PPP1R12A: variants seen among roughly 807,000 people sequenced by gnomAD.
PPP1R12A encodes myosin binding subunit.
Under a neutral mutation model 139.6 loss-of-function variants are expected in PPP1R12A, and 19 were observed. The ratio of observed to expected loss-of-function variants is 0.14; its 90% CI spans 0.09 to 0.20. The LOEUF is 0.20. Among genes scored for constraint, PPP1R12A ranks in the 10% least tolerant of loss-of-function variants. The pLI is 1.00. For synonymous variants in PPP1R12A, 427 were observed against 420.6 expected (o/e 1.02, Z -0.19); for missense variants, 925 against 1,211.5 (o/e 0.76, Z 3.51).
intron 14 of PPP1R12A, among the ~76,000 whole-genome samples, chr12:79,801,969 A>C (rs948623873): frequency 1.6e-4 from 24 of 152,184 alleles, no homozygotes; most frequent in Non-Finnish European, 2.9e-4. Context: ...TTTTATTTAG[A>C]TATAACAGAT....
At chr12:79,817,292 T>C (rs1875528717) in intron 9 of PPP1R12A, 102 bp downstream of exon 9, 7 of 1,049,864 alleles carry the variant, frequency 6.7e-6, no homozygotes, top group Non-Finnish European at 9.4e-6. Flanking sequence ...TCTTACATAT[T>C]TTTGGAACAG....
chr12:79,831,529 C>T lies in PPP1R12A; in HGVS notation c.647+803G>A, dbSNP rs563132025. On this transcript the variant is annotated intron_variant, in intron 4 of 24. Transcript: ENST00000450142. ...GCCTCTGTCACCCAAGAGGAGGAAA[C>T]TTGGGAAAGGTGACTCATATATTCT... Among the ~76,000 whole-genome samples the T allele has an allele frequency of 3.3e-5, 5 of 152,190 alleles. No homozygotes were observed. The South Asian group carries it at 1.0e-3, about 31-fold the overall frequency.
At chr12:79,880,512 T>A (rs961706927) in intron 1 of PPP1R12A, among the ~76,000 whole-genome samples, 1 of 152,202 alleles carries the variant, frequency 6.6e-6, no homozygotes, top group Admixed American at 6.5e-5. Flanking sequence ...ATTTTCAACC[T>A]CTTTTTACCT....
intron 1 of PPP1R12A, among the ~76,000 whole-genome samples, chr12:79,886,512 C>T (rs550160986): frequency 6.6e-6 from 1 of 152,012 alleles, no homozygotes; most frequent in South Asian, 2.1e-4. Context: ...ACAAGAAATC[C>T]AAAACATACA....
At chr12:79,897,518 A>T (rs1029979634) in intron 1 of PPP1R12A, among the ~76,000 whole-genome samples, 11 of 152,142 alleles carry the variant, frequency 7.2e-5, no homozygotes, top group Non-Finnish European at 1.0e-4. Context: ...CTCTAAATCT[A>T]AAATAAAAGT....
At chr12:79,803,532 T>G (rs1565747775) in intron 14 of PPP1R12A, among the ~76,000 whole-genome samples, 1 of 152,182 alleles carries the variant, frequency 6.6e-6, no homozygotes, top group Non-Finnish European at 1.5e-5. Context: ...TTAGCCACAG[T>G]ATATTCTCAA....
intron 19 of PPP1R12A, among the ~76,000 whole-genome samples, chr12:79,791,112 CAACT>C (rs778112898): frequency 2.6e-5 from 4 of 152,178 alleles, no homozygotes; most frequent in East Asian, 1.9e-4. Context: ...GGTTTAACAA[CAACT>C]AACAATTTTA....
intron 3 of PPP1R12A, among the ~76,000 whole-genome samples, chr12:79,836,556 A>C (rs1878109855): frequency 6.6e-6 from 1 of 152,208 alleles, no homozygotes; most frequent in African/African-American, 2.4e-5. Context: ...ATTCACATAT[A>C]AAAACAATCC....
chr12:79,843,861 CG>C (rs1879074156), intron 3 of PPP1R12A, among the ~76,000 whole-genome samples: 1 of 151,532 alleles, frequency 6.6e-6, no homozygotes, highest in Non-Finnish European at 1.5e-5. Flanking sequence ...CCCACCACCA[CG>C]CCCAGCTAAT....
chr12:79,906,613 G>T (rs1306748062), intron 1 of PPP1R12A, among the ~76,000 whole-genome samples: 2 of 151,908 alleles, frequency 1.3e-5, no homozygotes, highest in Admixed American at 1.3e-4. Flanking sequence ...ATGTATGTAT[G>T]TATGTATGTA....
chr12:79,912,643 G>T (rs973093637), intron 1 of PPP1R12A, among the ~76,000 whole-genome samples: 5 of 151,424 alleles, frequency 3.3e-5, no homozygotes, highest in Non-Finnish European at 5.9e-5. Context: ...GCAGTGAGCC[G>T]TGATTGTGCC....
At chr12:79,835,923 T>C (rs1878019622) in intron 3 of PPP1R12A, among the ~76,000 whole-genome samples, 1 of 152,162 alleles carries the variant, frequency 6.6e-6, no homozygotes, top group African/African-American at 2.4e-5. Context: ...CACATTACCA[T>C]TTTTTCCAAG....
chr12:79,874,932 C>T (rs930687154), intron 1 of PPP1R12A, among the ~76,000 whole-genome samples: 2 of 152,158 alleles, frequency 1.3e-5, no homozygotes, highest in Non-Finnish European at 2.9e-5. Context: ...GAATGCTCTG[C>T]CCCCAGATCT....
chr12:79,857,518 A>T (rs1376676049), intron 2 of PPP1R12A, among the ~76,000 whole-genome samples: 1 of 152,138 alleles, frequency 6.6e-6, no homozygotes, highest in Non-Finnish European at 1.5e-5. Context: ...GCATGTATAC[A>T]TATGTAACTA....
chr12:79,854,663 ATTT>A (rs1001567045), intron 2 of PPP1R12A, among the ~76,000 whole-genome samples: 5 of 150,656 alleles, frequency 3.3e-5, no homozygotes, highest in Admixed American at 6.6e-5. Flanking sequence ...TATAATTTTT[ATTT>A]TTTTTTGACT....
chr12:79,888,384 G>C (rs2137410923), intron 1 of PPP1R12A, among the ~76,000 whole-genome samples: 1 of 152,186 alleles, frequency 6.6e-6, no homozygotes, highest in East Asian at 1.9e-4. Context: ...AGTAACCAAA[G>C]CTAGAGGAAT....
intron 23 of PPP1R12A, 199 bp from the exon 24 acceptor site, chr12:79,778,799 AG>A (rs1314299844): frequency 5.3e-6 from 2 of 379,264 alleles, no homozygotes; most frequent in African/African-American, 4.1e-5. Context: ...TTAGAGTACA[AG>A]CTCTTAATTT....
intron 8 of PPP1R12A, among the ~76,000 whole-genome samples, chr12:79,820,231 A>G (rs1379761140): frequency 6.6e-6 from 1 of 152,214 alleles, no homozygotes; most frequent in Admixed American, 6.5e-5. Context: ...AAGAAATTGA[A>G]GTAAATATGA....
chr12:79,799,581 T>C (rs2694658), intron 14 of PPP1R12A, among the ~76,000 whole-genome samples: 55,074 of 152,152 alleles, frequency 0.36, 17,357 homozygotes, highest in African/African-American at 0.81. Flanking sequence ...GCATGTTACT[T>C]CTAAGTAACT....
Sources: allele counts gnomAD v4.1 joint callset (sites outside exome capture counted in the v4.1 genomes callset), GRCh38; gene constraint gnomAD v4.1.1; transcripts MANE v1.5; gene names NCBI Gene and HGNC (gene_info 2026-07-23, HGNC 2026-07-21).